Variants in EIF5B observed in about 807,000 individuals in gnomAD.
EIF5B encodes the protein eIF-5B.
EIF5B carries 47 observed loss-of-function variants against 147.5 expected under a neutral mutation model. The ratio of observed to expected loss-of-function variants is 0.32; its 90% CI spans 0.25 to 0.41. The LOEUF is 0.41. EIF5B is among the 10% of genes least tolerant of loss of function. The pLI is 1.00. For synonymous variants in EIF5B, 455 were observed against 456.2 expected (o/e 1.00, Z 0.03); for missense variants, 1,064 against 1,413.2 (o/e 0.75, Z 3.96).
chr2:99,390,856 G>A (rs916196879), intron 17 of EIF5B, 151 bp downstream of exon 17: 2 of 876,404 alleles, frequency 2.3e-6, no homozygotes, highest in Admixed American at 3.0e-5. Flanking sequence ...TCATCATACA[G>A]GAAGGCCTGT....
chr2:99,392,587 T>G (rs758203533), intron 17 of EIF5B, among the ~76,000 whole-genome samples: 1 of 152,232 alleles, frequency 6.6e-6, no homozygotes, highest in Non-Finnish European at 1.5e-5. Flanking sequence ...GCCGTTTCAG[T>G]GTGCATTTGC....
chr2:99,360,071 AG>A (rs1674175483), intron 1 of EIF5B, among the ~76,000 whole-genome samples, 164 bp from the exon 2 acceptor site: 1 of 152,188 alleles, frequency 6.6e-6, no homozygotes, highest in Admixed American at 6.5e-5. Flanking sequence ...AGATGTAGGG[AG>A]GCTGATAAGT....
chr2:99,361,035 A>C (rs941548477), intron 3 of EIF5B, 113 bp from the exon 4 acceptor site: 4 of 1,112,336 alleles, frequency 3.6e-6, no homozygotes, highest in Non-Finnish European at 4.8e-6. Flanking sequence ...AAGACTTTGA[A>C]AAAGATTTTG....
chr2:99,372,597 C>G (rs1286465417), intron 9 of EIF5B, among the ~76,000 whole-genome samples: 3 of 152,332 alleles, frequency 2.0e-5, no homozygotes, highest in Non-Finnish European at 1.5e-5. Context: ...CTTGGCCTCC[C>G]AAAGTCCTGG....
rs564444428 is a variant in EIF5B at position 99,337,402 on chromosome 2, C to G, written c.-153C>G. 3 of 926,512 alleles carry G rather than the reference C, an allele frequency of 3.2e-6. No individual in the cohort carries two copies. The Admixed American group carries it at 6.1e-5, about 19-fold the overall frequency. 57.4% of individuals were successfully genotyped at this position (926,512 alleles called of 1,614,324 possible). A position where few individuals can be genotyped will look rare whatever the true frequency, so the allele number is the denominator to read the frequency against. On this transcript the variant is annotated 5_prime_UTR_variant, in exon 1 of 24. Coordinates refer to ENST00000289371, the MANE Select transcript of EIF5B (RefSeq NM_015904.4). ...CACTGAGAACTCACACCATATGTGT[C>G]CTGTTCCAGTGCGCGGGTCTGTGGA...
At chr2:99,396,653 G>A (rs999226917) in intron 21 of EIF5B, 107 bp from the exon 22 acceptor site, 159 of 1,403,526 alleles carry the variant, frequency 1.1e-4, no homozygotes, top group Non-Finnish European at 1.3e-4. Flanking sequence ...GGCCGCTGGG[G>A]AAAGCTGCTT....
intron 1 of EIF5B, among the ~76,000 whole-genome samples, chr2:99,346,268 T>A (rs1347963989): frequency 2.6e-5 from 4 of 152,216 alleles, no homozygotes; most frequent in Non-Finnish European, 4.4e-5. Context: ...AGATCTTCAG[T>A]TGCTCCTGTA....
At chr2:99,391,565 C>T (rs895620108) in intron 17 of EIF5B, among the ~76,000 whole-genome samples, 5 of 152,122 alleles carry the variant, frequency 3.3e-5, no homozygotes, top group Non-Finnish European at 5.9e-5. Flanking sequence ...CCTTCCCCTC[C>T]TACCCCCTGA....
Position 99,361,271 on chromosome 2 carries a change from A to C in EIF5B, c.370A>C (p.Lys124Gln). ...EELEDKDSKS[K>Q]KTAKPKVEMY... Reference sequence around the variant, plus strand: ...ATTGGAAGATAAAGATTCAAAATCAAAAAAGACTGCAAAACCGAAAGTGGA... The same window carrying C: ...ATTGGAAGATAAAGATTCAAAATCACAAAAGACTGCAAAACCGAAAGTGGA... Residue 124 changes from lysine (K) to glutamine (Q), a missense_variant, in exon 4 of 24, where the codon AAA becomes CAA. Around this residue, in one of 4 missense-constraint regions of EIF5B, gnomAD observed 458 missense variants for 451.3 expected, o/e 1.01. Transcript: ENST00000289371. The C allele has an allele frequency of 6.2e-7, 1 of 1,613,134 alleles. No homozygotes were observed. Among genetic ancestry groups the C allele is most frequent in the African/African-American group, 1.3e-5 (1 of 74,992 alleles).
chr2:99,385,754 T>A (rs929894574), intron 14 of EIF5B, among the ~76,000 whole-genome samples: 1 of 152,226 alleles, frequency 6.6e-6, no homozygotes, highest in African/African-American at 2.4e-5. Flanking sequence ...GTTACGCATG[T>A]ATAAGAAAAT....
chr2:99,360,224 T>C lies in EIF5B; in HGVS notation c.36-12T>C. 6.4e-7 allele frequency: 1 copy of C among 1,569,882 alleles called. No individual in the cohort carries two copies. Among genetic ancestry groups the C allele is most frequent in the Non-Finnish European group, 8.6e-7 (1 of 1,167,022 alleles). On this transcript the variant is annotated splice_polypyrimidine_tract_variant and intron_variant, in intron 1 of 23. Coordinates refer to ENST00000289371, the MANE Select transcript of EIF5B (RefSeq NM_015904.4). ...TTAAGTAGCATTTAGGATGTTTTTG[T>C]TTTCATTTAAGCACCAAGGATGACA...
At chr2:99,398,331 C>T (rs1675107611) in intron 22 of EIF5B, 1 of 157,010 alleles carries the variant, frequency 6.4e-6, no homozygotes, top group African/African-American at 2.4e-5. Flanking sequence ...CATCTGCTCA[C>T]AGGCCATCAT....
At chr2:99,367,220 C>G (rs756010807) in intron 6 of EIF5B, among the ~76,000 whole-genome samples, 41 of 152,154 alleles carry the variant, frequency 2.7e-4, no homozygotes, top group South Asian at 6.2e-4. Context: ...AAGAGAATTC[C>G]AAGACAGTAC....
chr2:99,393,168 C>CTAGG (rs2104252261), intron 18 of EIF5B, 70 bp downstream of exon 18: 2 of 1,340,438 alleles, frequency 1.5e-6, no homozygotes, highest in Non-Finnish European at 1.9e-6. Flanking sequence ...ATTGCACATG[C>CTAGG]TAGGGATGGT....
chr2:99,359,550 G>A (rs917569727), intron 1 of EIF5B, among the ~76,000 whole-genome samples: 3 of 152,078 alleles, frequency 2.0e-5, no homozygotes, highest in Non-Finnish European at 4.4e-5. Flanking sequence ...GGTTTTAGCT[G>A]GAACTTAATT....
At chr2:99,383,105 G>A (rs1446186547) in intron 14 of EIF5B, among the ~76,000 whole-genome samples, 184 bp downstream of exon 14, 4 of 150,956 alleles carry the variant, frequency 2.6e-5, no homozygotes, top group Admixed American at 6.6e-5. Context: ...AATACAAATT[G>A]TAAGTTTGTA....
intron 11 of EIF5B, 59 bp from the exon 12 acceptor site, chr2:99,379,259 T>C (rs912216101): frequency 8.1e-5 from 121 of 1,496,738 alleles, no homozygotes; most frequent in Non-Finnish European, 1.1e-4. Context: ...TTTCTTATTA[T>C]TTTTGCTGCT....
At position 99,348,527 on chromosome 2, in the gene EIF5B, A is replaced by C. The variant is rs534442531; in HGVS notation, c.35+10938A>C. On this transcript the variant is annotated intron_variant, in intron 1 of 23. Transcript: ENST00000289371. ...ATGAAGACTGGGGAAATGAGATGTC[A>C]GAAGGTAACCTGTAGAGAAGGTGGG... 5.3e-5 allele frequency among the ~76,000 whole-genome samples: 8 copies of C among 152,376 alleles called. No homozygotes were observed. The South Asian group carries it at 1.7e-3, about 32-fold the overall frequency.
chr2:99,367,014 A>T (rs1456241899), intron 6 of EIF5B, among the ~76,000 whole-genome samples: 5 of 152,226 alleles, frequency 3.3e-5, no homozygotes, highest in African/African-American at 1.2e-4. Context: ...ACCAGTTTTA[A>T]TTCCCACTGT....
Sources: gnomAD v4.1 joint callset for allele counts (sites outside exome capture counted in the v4.1 genomes callset) on GRCh38, gnomAD v4.1.1 for gene constraint, gnomAD v4.1.1 regional missense constraint, MANE v1.5 for transcripts, NCBI Gene and HGNC (gene_info 2026-07-23, HGNC 2026-07-21) for gene names.